The following LMO7 variants were observed in gnomAD, a reference collection of about 807,000 sequenced individuals.
LMO7 encodes the protein LIM domain 7.
In LMO7, 120 loss-of-function variants were observed where a neutral mutation model predicts 206.5. The ratio of observed to expected loss-of-function variants is 0.58; its 90% CI spans 0.50 to 0.68. The LOEUF (loss-of-function observed/expected upper bound fraction) is 0.68, where lower values mean the gene tolerates loss of function less well. Ranked by LOEUF, LMO7 falls within the 30% of genes least tolerant of loss-of-function variation. LMO7 has a pLI of 0.00. For missense variants in LMO7, 1,959 were observed against 1,957.9 expected, an observed-to-expected ratio of 1.00 and a Z score of -0.01; for synonymous variants, 706 against 681.5, an observed-to-expected ratio of 1.04 and a Z score of -0.56.
intron 28 of LMO7, among the ~76,000 whole-genome samples, chr13:75,853,954 C>T (rs533018556): frequency 1.3e-5 from 2 of 152,282 alleles, no homozygotes; most frequent in Admixed American, 6.5e-5. Context: ...ATTGCTTGGG[C>T]GTTCTGTTTG....
intron 1 of LMO7, among the ~76,000 whole-genome samples, chr13:75,686,544 T>TTTA (rs398023481): frequency 1.3e-5 from 2 of 150,988 alleles, no homozygotes; most frequent in Non-Finnish European, 3.0e-5. Flanking sequence ...TTTTTTTTTT[T>TTTA]AAACTCTCTG....
rs566678074 is a variant in LMO7, at chr13:75,644,178, G to A, written c.69+7452G>A. On this transcript the variant is annotated intron_variant, in intron 1 of 30. Transcript: ENST00000377534. ...AGAAGCTGAAAAAATGACAATAAAA[G>A]CAGCTAGTATTCTTGAATTTCTACC... is the stretch of plus-strand genomic sequence containing the variant. 3.9e-5 allele frequency among the ~76,000 whole-genome samples: 6 copies of A among 152,062 alleles called. No homozygotes were observed. In the South Asian group the frequency reaches 1.0e-3, roughly 26 times the overall value.
intron 1 of LMO7, among the ~76,000 whole-genome samples, chr13:75,641,923 G>A (rs1169358363): frequency 6.6e-6 from 1 of 151,902 alleles, no homozygotes; most frequent in Non-Finnish European, 1.5e-5. Context: ...GCCTCCTAAA[G>A]TGCTGGGATT....
intron 1 of LMO7, among the ~76,000 whole-genome samples, chr13:75,652,557 T>G (rs1270530863): frequency 2.0e-5 from 3 of 152,054 alleles, no homozygotes; most frequent in South Asian, 2.1e-4. Flanking sequence ...GCTGCCACTT[T>G]GGGAGGCAGT....
At chr13:75,708,239 T>G (rs1029624132) in intron 1 of LMO7, among the ~76,000 whole-genome samples, 22 of 152,220 alleles carry the variant, frequency 1.4e-4, no homozygotes, top group African/African-American at 4.8e-4. Context: ...TTATGTAACT[T>G]GCTTAAGATC....
chr13:75,702,323 C>G (rs1011702166), intron 1 of LMO7, among the ~76,000 whole-genome samples: 25 of 152,172 alleles, frequency 1.6e-4, no homozygotes, highest in Middle Eastern at 6.8e-3. Flanking sequence ...GTAACTGACC[C>G]CAGCCACTCT....
chr13:75,772,815 G>A (rs2140086239), intron 4 of LMO7, among the ~76,000 whole-genome samples: 1 of 152,198 alleles, frequency 6.6e-6, no homozygotes, highest in African/African-American at 2.4e-5. Context: ...CAGAGAGTTA[G>A]AGTGCTTTAA....
chr13:75,804,707 A>G, intron 8 of LMO7, 166 bp downstream of exon 8: 1 of 1,071,672 alleles, frequency 9.3e-7, no homozygotes, highest in Non-Finnish European at 1.3e-6. Flanking sequence ...CATATCTTGA[A>G]GCCATTTCTT....
intron 3 of LMO7, among the ~76,000 whole-genome samples, chr13:75,752,092 C>G (rs114417557): frequency 1.3e-5 from 2 of 149,060 alleles, no homozygotes; most frequent in Non-Finnish European, 3.0e-5. Flanking sequence ...GACTCTCTCT[C>G]TATATATGCA....
upstream of LMO7, among the ~76,000 whole-genome samples, chr13:75,633,956 T>C (rs1222955502): frequency 6.8e-6 from 1 of 146,728 alleles, no homozygotes; most frequent in African/African-American, 2.5e-5. Flanking sequence ...CAAGCGATTC[T>C]CCTGCCTCAG....
intron 4 of LMO7, among the ~76,000 whole-genome samples, chr13:75,763,490 G>T (rs2048450401): frequency 6.6e-6 from 1 of 152,144 alleles, no homozygotes; most frequent in South Asian, 2.1e-4. Flanking sequence ...TTTATTGTCT[G>T]TTTAAATGGG....
At chr13:75,693,375 C>T (rs1832230623) in intron 1 of LMO7, among the ~76,000 whole-genome samples, 1 of 152,170 alleles carries the variant, frequency 6.6e-6, no homozygotes, top group South Asian at 2.1e-4. Flanking sequence ...ATATGGGCTT[C>T]ATTGTGCAGC....
intron 2 of LMO7, among the ~76,000 whole-genome samples, chr13:75,624,046 G>A (rs2033698950): frequency 3.3e-5 from 5 of 152,186 alleles, no homozygotes; most frequent in Admixed American, 3.3e-4. Flanking sequence ...TATCAAGAGT[G>A]TACCTCCAGC....
At chr13:75,651,011 C>T (rs952444188) in intron 1 of LMO7, among the ~76,000 whole-genome samples, 4 of 152,008 alleles carry the variant, frequency 2.6e-5, no homozygotes, top group African/African-American at 4.8e-5. Flanking sequence ...TTGTTTTATT[C>T]GAAGGATAAA....
chr13:75,734,103 A>T (rs1264052111), intron 3 of LMO7, among the ~76,000 whole-genome samples: 1 of 152,214 alleles, frequency 6.6e-6, no homozygotes, highest in South Asian at 2.1e-4. Flanking sequence ...GTGAGGTTGC[A>T]CAAGTCTCTG....
At chr13:75,627,299 A>G (rs1276365512) in intron 2 of LMO7, 1 of 152,188 alleles carries the variant, frequency 6.6e-6, no homozygotes, top group Non-Finnish European at 1.5e-5. Flanking sequence ...TTTGCATTAG[A>G]TGATTTTGCC....
chr13:75,746,230 T>G (rs1725696439), intron 3 of LMO7, among the ~76,000 whole-genome samples: 1 of 152,088 alleles, frequency 6.6e-6, no homozygotes, highest in Non-Finnish European at 1.5e-5. Context: ...AGAGAATCTG[T>G]GGAGGATGAA....
chr13:75,685,864 G>C (rs1023426542), intron 1 of LMO7, among the ~76,000 whole-genome samples: 4 of 150,834 alleles, frequency 2.7e-5, no homozygotes, highest in Admixed American at 6.6e-5. Context: ...TCAAACCAAG[G>C]GTTTTTCATC....
chr13:75,707,923 G>A (rs1453238731), intron 1 of LMO7, among the ~76,000 whole-genome samples: 3 of 151,982 alleles, frequency 2.0e-5, no homozygotes, highest in African/African-American at 4.8e-5. Flanking sequence ...CTTTTTGGGG[G>A]AGATGAACCA....
Sources: gnomAD v4.1 joint callset for allele counts (sites outside exome capture counted in the v4.1 genomes callset) on GRCh38, gnomAD v4.1.1 for gene constraint, MANE v1.5 for transcripts, NCBI Gene and HGNC (gene_info 2026-07-23, HGNC 2026-07-21) for gene names.